Variants in ARHGEF10 observed in about 807,000 individuals in gnomAD.
ARHGEF10 encodes the protein Rho guanine nucleotide exchange factor 10.
In ARHGEF10, 140 loss-of-function variants were observed where a neutral mutation model predicts 147.4. That is an observed-to-expected ratio of 0.95 (90% CI 0.83 to 1.09). ARHGEF10 has a LOEUF of 1.09. Among genes scored for constraint, ARHGEF10 ranks in the 50% least tolerant of loss-of-function variants. ARHGEF10 has a pLI of 0.00. For missense variants in ARHGEF10, 2,222 were observed against 1,752.7 expected, an observed-to-expected ratio of 1.27 and a Z score of -4.78; for synonymous variants, 902 against 695.8, an observed-to-expected ratio of 1.30 and a Z score of -4.67.
intron 2 of ARHGEF10, among the ~76,000 whole-genome samples, chr8:1,856,651 C>T (rs1051309113): frequency 6.6e-6 from 1 of 152,226 alleles, no homozygotes; most frequent in Non-Finnish European, 1.5e-5. Flanking sequence ...AGGGCTCCCC[C>T]TCAGCCCCCT....
rs1191536447 is a variant in ARHGEF10 at position 1,876,658 on chromosome 8, G to C, written c.767G>C (p.Ser256Thr). The C allele has an allele frequency of 1.2e-6, 2 of 1,614,122 alleles. No homozygotes were observed. The highest frequency in any genetic ancestry group is 1.7e-6 in the Non-Finnish European group (2 of 1,180,044). The change falls in exon 8 of 29, where the codon AGT becomes ACT. Residue 256 changes from serine to threonine, a missense_variant. Physicochemically the swap from Ser to Thr is moderately conservative, Grantham distance 58. Transcript: ENST00000349830. ...EYGWSSSEFE[S>T]YEEQSDSECK... The stretch of plus-strand genomic sequence containing the variant: ...GGATGGAGTTCGAGTGAATTTGAAA[G>C]TTACGAAGAGCAGAGTGACTCGGAG...
At chr8:1,920,985 C>A (rs1812243329) in intron 18 of ARHGEF10, among the ~76,000 whole-genome samples, 1 of 152,126 alleles carries the variant, frequency 6.6e-6, no homozygotes, top group Non-Finnish European at 1.5e-5. Context: ...GGGGTTTCTC[C>A]ATGTTGATCA....
At chr8:1,897,288 T>C (rs1440451478) in intron 14 of ARHGEF10, among the ~76,000 whole-genome samples, 1 of 152,234 alleles carries the variant, frequency 6.6e-6, no homozygotes, top group Admixed American at 6.5e-5. Flanking sequence ...CGGCTCCTGC[T>C]CCTCCTGGAG....
At chr8:1,868,156 T>G (rs143050712) in intron 6 of ARHGEF10, among the ~76,000 whole-genome samples, 36 of 152,328 alleles carry the variant, frequency 2.4e-4, no homozygotes, top group African/African-American at 8.4e-4. Context: ...AGATAGTAAA[T>G]GCTATTAAAA....
chr8:1,909,677 C>A (rs1348057605), intron 18 of ARHGEF10, among the ~76,000 whole-genome samples: 2 of 152,214 alleles, frequency 1.3e-5, no homozygotes, highest in African/African-American at 4.8e-5. Flanking sequence ...GTCCCACGTG[C>A]AGCTGGGGCT....
At chr8:1,947,330 G>A (rs931111487) in intron 27 of ARHGEF10, among the ~76,000 whole-genome samples, 4 of 152,122 alleles carry the variant, frequency 2.6e-5, no homozygotes, top group Non-Finnish European at 5.9e-5. Flanking sequence ...ACCTCCCTCC[G>A]GGGCGAAGCA....
At chr8:1,947,265 C>T (rs1184663144) in intron 27 of ARHGEF10, among the ~76,000 whole-genome samples, 3 of 152,296 alleles carry the variant, frequency 2.0e-5, no homozygotes, top group African/African-American at 4.8e-5. Context: ...CTCGACCTCC[C>T]GTGGGCTCCA....
intron 11 of ARHGEF10, among the ~76,000 whole-genome samples, chr8:1,887,784 A>G (rs1261687776): frequency 7.3e-6 from 1 of 136,120 alleles, no homozygotes; most frequent in Admixed American, 7.5e-5. Flanking sequence ...GTGATGAGAC[A>G]GTGAGTGGAG....
intron 9 of ARHGEF10, among the ~76,000 whole-genome samples, chr8:1,880,882 G>A (rs534884198): frequency 6.6e-6 from 1 of 152,196 alleles, no homozygotes; most frequent in Admixed American, 6.5e-5. Context: ...CGGCTCATCC[G>A]CCCTGTTGTG....
intron 11 of ARHGEF10, among the ~76,000 whole-genome samples, chr8:1,892,108 G>A (rs949166002): frequency 2.0e-5 from 3 of 151,722 alleles, no homozygotes; most frequent in Non-Finnish European, 4.4e-5. Context: ...AGCCTTGGGA[G>A]AGTGTTTGGG....
Position 1,948,795 on chromosome 8 carries a change from T to A in ARHGEF10, c.3397+3140T>A, listed in dbSNP as rs1399671531. The stretch of plus-strand genomic sequence containing the variant: ...TATATTTCATAGAAATAAGCATTAT[T>A]GCATTTCATGCTGTATTTAGACATT... On this transcript the variant is annotated intron_variant, in intron 27 of 28. Coordinates refer to ENST00000349830, the MANE Select transcript of ARHGEF10 (RefSeq NM_014629.4). This position sits in a 1 kb window ranked among gnomAD's most constrained non-coding sequence, Gnocchi z 4.9. Among the ~76,000 whole-genome samples, 1 of 152,228 alleles carries A rather than the reference T, an allele frequency of 6.6e-6. No homozygotes were observed. Among genetic ancestry groups the A allele is most frequent in the African/African-American group, 2.4e-5 (1 of 41,466 alleles).
chr8:1,952,963 T>C, intron 28 of ARHGEF10, 136 bp downstream of exon 28: 1 of 1,279,204 alleles, frequency 7.8e-7, no homozygotes, highest in Non-Finnish European at 1.1e-6. Flanking sequence ...TGTATTATAA[T>C]GACTTAATAG....
intron 2 of ARHGEF10, among the ~76,000 whole-genome samples, chr8:1,851,442 T>C (rs1017417979): frequency 2.0e-5 from 3 of 151,114 alleles, no homozygotes; most frequent in East Asian, 2.0e-4. Flanking sequence ...CTTTAGTTAG[T>C]GACGTACCTC....
intron 27 of ARHGEF10, among the ~76,000 whole-genome samples, chr8:1,951,162 G>T (rs1815014157): frequency 6.6e-6 from 1 of 152,184 alleles, no homozygotes; most frequent in South Asian, 2.1e-4. Flanking sequence ...ACTTACTGTT[G>T]AGTCAAACTG....
At chr8:1,952,204 G>A (rs17750595) in intron 27 of ARHGEF10, among the ~76,000 whole-genome samples, 96,629 of 152,028 alleles carry the variant, frequency 0.64, 31,228 homozygotes, top group African/African-American at 0.74. Flanking sequence ...CCCTGGAGAG[G>A]CCGTTCAGTT....
chr8:1,895,863 C>T (rs1226028807), intron 13 of ARHGEF10, among the ~76,000 whole-genome samples: 1 of 151,916 alleles, frequency 6.6e-6, no homozygotes, highest in Non-Finnish European at 1.5e-5. Context: ...ACGTGTAGGG[C>T]ATTGTATGTT....
At position 1,928,177 on chromosome 8, in the gene ARHGEF10, T is replaced by TAGA. The variant is rs1028287882; in HGVS notation, c.2698-248_2698-246dup. 3.9e-5 allele frequency among the ~76,000 whole-genome samples: 6 copies of TAGA among 152,346 alleles called. No homozygotes were observed. In the South Asian group the frequency reaches 1.2e-3, roughly 32 times the overall value. Reference sequence around the variant, plus strand: ...TGATGAGTACGTGATTTTTAAAGTATAGAAATGTGACTTTGTAGAAATGAA... The same window carrying TAGA: ...TGATGAGTACGTGATTTTTAAAGTATAGAAGAAATGTGACTTTGTAGAAATGAA... On this transcript the variant is annotated intron_variant, in intron 23 of 28. Coordinates refer to ENST00000349830, the MANE Select transcript of ARHGEF10 (RefSeq NM_014629.4).
chr8:1,920,768 AG>A (rs1563287603), intron 18 of ARHGEF10, among the ~76,000 whole-genome samples: 2 of 151,082 alleles, frequency 1.3e-5, no homozygotes, highest in African/African-American at 4.9e-5. Flanking sequence ...CTACTGGATC[AG>A]TTTGCTCTTT....
At chr8:1,849,390 C>T (rs1437182594) in intron 2 of ARHGEF10, among the ~76,000 whole-genome samples, 2 of 150,390 alleles carry the variant, frequency 1.3e-5, no homozygotes, top group Admixed American at 1.3e-4. Flanking sequence ...AAGGCAAATG[C>T]CGAGGAGGGC....
Sources: gnomAD v4.1 joint callset for allele counts (sites outside exome capture counted in the v4.1 genomes callset) on GRCh38, gnomAD v4.1.1 for gene constraint, Gnocchi (gnomAD v3.1) non-coding constraint, MANE v1.5 for transcripts, NCBI Gene and HGNC (gene_info 2026-07-23, HGNC 2026-07-21) for gene names.